ALK: variants seen among roughly 807,000 people sequenced by gnomAD.
ALK encodes ALK receptor tyrosine kinase, also known as ALK tyrosine kinase receptor.
ALK carries 74 observed loss-of-function variants against 163.1 expected under a neutral mutation model. The observed-to-expected ratio is 0.45, with a 90% CI of 0.38 to 0.55. The LOEUF (loss-of-function observed/expected upper bound fraction) is 0.55. Among genes scored for constraint, ALK ranks in the 20% least tolerant of loss-of-function variants. The probability of loss-of-function intolerance (pLI) is 0.00; values close to 1 mark genes in which losing one functional copy is unlikely to be tolerated. For synonymous variants in ALK, 960 were observed against 843.2 expected (o/e 1.14, Z -2.40); for missense variants, 2,063 against 2,105.3 (o/e 0.98, Z 0.39).
At chr2:29,918,655 A>C (rs368807225) in intron 1 of ALK, among the ~76,000 whole-genome samples, 3 of 152,184 alleles carry the variant, frequency 2.0e-5, no homozygotes, top group African/African-American at 7.2e-5. Context: ...CTGTGCAATG[A>C]CTAGGGAACC....
chr2:29,748,171 G>A (rs1056442135), intron 1 of ALK, among the ~76,000 whole-genome samples: 1 of 152,192 alleles, frequency 6.6e-6, no homozygotes, highest in Non-Finnish European at 1.5e-5. Context: ...CTCGTTAGGT[G>A]TGGATCAGCT....
At chr2:29,630,605 A>C (rs992305463) in intron 3 of ALK, among the ~76,000 whole-genome samples, 153 of 152,088 alleles carry the variant, frequency 1.0e-3, no homozygotes, top group African/African-American at 3.5e-3. Context: ...TAATTTTTAA[A>C]ATATTGTTCT....
At chr2:29,200,740 C>CATATATACATACGTATATAT (rs1669140119) in intron 26 of ALK, among the ~76,000 whole-genome samples, 3 of 131,338 alleles carry the variant, frequency 2.3e-5, no homozygotes, top group Non-Finnish European at 4.8e-5. Flanking sequence ...TATATATATA[C>CATATATACATACGTATATAT]GTATATATAT....
intron 1 of ALK, among the ~76,000 whole-genome samples, chr2:29,723,800 T>C (rs747706021): frequency 1.1e-4 from 16 of 152,238 alleles, no homozygotes; most frequent in Non-Finnish European, 2.4e-4. Context: ...ATCTCTGTTT[T>C]AGAATCCAAA....
At chr2:29,440,107 G>C (rs1257932649) in intron 4 of ALK, among the ~76,000 whole-genome samples, 1 of 151,826 alleles carries the variant, frequency 6.6e-6, no homozygotes, top group East Asian at 2.0e-4. Flanking sequence ...ACTGGTGAGT[G>C]TCTGTAATCC....
intron 3 of ALK, among the ~76,000 whole-genome samples, chr2:29,628,944 C>A (rs1676279583): frequency 6.6e-6 from 1 of 152,148 alleles, no homozygotes; most frequent in African/African-American, 2.4e-5. Flanking sequence ...TATATAGGAG[C>A]CAGTCATTCT....
intron 9 of ALK, among the ~76,000 whole-genome samples, chr2:29,288,951 C>CAAAAAAAAAAAAAAAAAAA (rs770578645): frequency 2.9e-4 from 7 of 24,184 alleles, no homozygotes; most frequent in Non-Finnish European, 1.6e-3. Context: ...GACTCCTTCT[C>CAAAAAAAAAAAAAAAAAAA]AAAAAAATAA....
At chr2:29,694,138 T>G (rs1433736308) in intron 3 of ALK, among the ~76,000 whole-genome samples, 1 of 152,224 alleles carries the variant, frequency 6.6e-6, no homozygotes, top group Non-Finnish European at 1.5e-5. Flanking sequence ...TAGAGCTTAG[T>G]GCCTTCATGT....
chr2:29,319,074 C>T (rs569968768), intron 7 of ALK: 4 of 152,740 alleles, frequency 2.6e-5, no homozygotes, highest in African/African-American at 9.6e-5. Flanking sequence ...CTGTCCAGAA[C>T]CCAGGTCGTC....
chr2:29,603,942 C>T (rs960572735), intron 3 of ALK, among the ~76,000 whole-genome samples: 5 of 152,212 alleles, frequency 3.3e-5, no homozygotes, highest in African/African-American at 4.8e-5. Context: ...CTAATGAGAC[C>T]CTTTTTTTTC....
At chr2:29,197,309 C>T (rs758861635) in intron 27 of ALK, among the ~76,000 whole-genome samples, 1 of 152,094 alleles carries the variant, frequency 6.6e-6, no homozygotes, top group African/African-American at 2.4e-5. Context: ...CTGGTGAGTC[C>T]ACAGCCTGTA....
chr2:29,806,039 C>A (rs964847166), intron 1 of ALK, among the ~76,000 whole-genome samples: 4 of 152,140 alleles, frequency 2.6e-5, no homozygotes, highest in African/African-American at 7.2e-5. Context: ...GTCTATACGT[C>A]CCCAGGCTTC....
chr2:29,490,610 G>A (rs546926552), intron 4 of ALK, among the ~76,000 whole-genome samples: 7 of 152,282 alleles, frequency 4.6e-5, no homozygotes, highest in Admixed American at 4.6e-4. Flanking sequence ...GAGAACCACT[G>A]TGTTCGACAA....
intron 8 of ALK, among the ~76,000 whole-genome samples, chr2:29,304,841 A>G (rs145096625): frequency 8.1e-4 from 124 of 152,338 alleles, no homozygotes; most frequent in African/African-American, 2.9e-3. Context: ...ATTATGAAGT[A>G]TGAGATGAAG....
At chr2:29,505,865 G>A (rs1267896643) in intron 4 of ALK, among the ~76,000 whole-genome samples, 1 of 151,570 alleles carries the variant, frequency 6.6e-6, no homozygotes, top group Non-Finnish European at 1.5e-5. Context: ...CCATTCATGG[G>A]GTGAATGAAT....
rs375446149 is a variant in ALK at position 29,239,632 on chromosome 2, C to T, written c.2355+48G>A. The T allele has an allele frequency of 2.9e-5, 47 of 1,610,032 alleles. No individual in the cohort carries two copies. In the African/African-American group the frequency reaches 3.2e-4, roughly 11 times the overall value. On this transcript the variant is annotated intron_variant, in intron 13 of 28. Transcript: ENST00000389048. Reference sequence around the variant, plus strand: ...TGTTGGTGCCTCCAAGAGGCCTTCCCGGGGCCTGACAGAGTGCAGACGAGA... The same window carrying T: ...TGTTGGTGCCTCCAAGAGGCCTTCCTGGGGCCTGACAGAGTGCAGACGAGA...
chr2:29,332,146 T>G (rs1667459008), intron 5 of ALK, among the ~76,000 whole-genome samples: 1 of 150,484 alleles, frequency 6.6e-6, no homozygotes, highest in South Asian at 2.1e-4. Context: ...ATTAGCCGGG[T>G]GTGATGGCAC....
chr2:29,554,083 C>G (rs1397585773), intron 3 of ALK, among the ~76,000 whole-genome samples: 1 of 151,998 alleles, frequency 6.6e-6, no homozygotes, highest in African/African-American at 2.4e-5. Flanking sequence ...ACTGATTTGC[C>G]TTTTTATATT....
chr2:29,232,017 G>A (rs1224466232), intron 15 of ALK, among the ~76,000 whole-genome samples: 1 of 106,482 alleles, frequency 9.4e-6, no homozygotes, highest in Non-Finnish European at 2.2e-5. Flanking sequence ...GGAATCTCAG[G>A]GGGAGGCTCT....
Sources: gnomAD v4.1 joint callset for allele counts (sites outside exome capture counted in the v4.1 genomes callset) on GRCh38, gnomAD v4.1.1 for gene constraint, MANE v1.5 for transcripts, NCBI Gene and HGNC (gene_info 2026-07-23, HGNC 2026-07-21) for gene names.